The following KLHL4 variants were observed in gnomAD, a reference collection of about 807,000 sequenced individuals.
KLHL4 encodes the protein kelch like family member 4, also known as kelch-like protein 4.
In KLHL4, 17 loss-of-function variants were observed where a neutral mutation model predicts 45.8. The ratio of observed to expected loss-of-function variants is 0.37; its 90% CI spans 0.25 to 0.56. The LOEUF (loss-of-function observed/expected upper bound fraction) is 0.56, where lower values mean the gene tolerates loss of function less well. KLHL4 is among the 20% of genes least tolerant of loss of function. The pLI is 0.79. For synonymous variants in KLHL4, 224 were observed against 189.9 expected, an observed-to-expected ratio of 1.18 and a Z score of -1.47; for missense variants, 544 against 544.9, an observed-to-expected ratio of 1.00 and a Z score of 0.02.
At chrX:87,617,356 A>G (rs1038348970) in intron 3 of KLHL4, among the ~76,000 whole-genome samples, 6 of 106,939 alleles carry the variant, frequency 5.6e-5, no homozygotes, top group African/African-American at 2.1e-4. Context: ...TGTAGATACA[A>G]AAAAAAAAGG....
At chrX:87,621,030 A>C (rs1341676781) in intron 4 of KLHL4, among the ~76,000 whole-genome samples, 3 of 111,141 alleles carry the variant, frequency 2.7e-5, no homozygotes, top group Non-Finnish European at 5.6e-5. Flanking sequence ...TAAATAGGCC[A>C]GTTTGAAACT....
At chrX:87,663,935 C>A (rs1453667282) in intron 9 of KLHL4, among the ~76,000 whole-genome samples, 1 of 111,685 alleles carries the variant, frequency 9.0e-6, no homozygotes, top group East Asian at 2.8e-4. Context: ...TGAAAATCTT[C>A]TTTGTAAAAT....
intron 1 of KLHL4, among the ~76,000 whole-genome samples, chrX:87,540,877 A>G (rs1396205753): frequency 8.9e-6 from 1 of 111,921 alleles, no homozygotes; most frequent in African/African-American, 3.2e-5. Context: ...CTTTACACCA[A>G]CACCATCACA....
intron 4 of KLHL4, among the ~76,000 whole-genome samples, chrX:87,621,494 A>T (rs867671708): frequency 4.5e-5 from 4 of 88,178 alleles, no homozygotes; most frequent in East Asian, 6.3e-4. Context: ...ATTTATTATT[A>T]TTTTTTTTGA....
chrX:87,632,841 C>T (rs1923142016), intron 7 of KLHL4, among the ~76,000 whole-genome samples: 1 of 111,132 alleles, frequency 9.0e-6, no homozygotes, highest in Non-Finnish European at 1.9e-5. Flanking sequence ...TGTCAGGATA[C>T]CTCGTTCTTT....
At chrX:87,548,356 G>A (rs1284965853) in intron 1 of KLHL4, among the ~76,000 whole-genome samples, 1 of 111,730 alleles carries the variant, frequency 9.0e-6, no homozygotes, top group Non-Finnish European at 1.9e-5. Context: ...AAGAAATGCT[G>A]AAGGAAGTAC....
chrX:87,641,343 G>A (rs1386132741), intron 9 of KLHL4, among the ~76,000 whole-genome samples: 1 of 111,778 alleles, frequency 8.9e-6, no homozygotes, highest in Non-Finnish European at 1.9e-5. Flanking sequence ...CAATTTAGAG[G>A]GCCGAGTGAA....
At chrX:87,596,488 A>T (rs963029236) in intron 1 of KLHL4, among the ~76,000 whole-genome samples, 2 of 112,014 alleles carry the variant, frequency 1.8e-5, no homozygotes, top group Admixed American at 1.9e-4. Flanking sequence ...GTAAATATTT[A>T]TTATATGGAT....
rs1288601233 is a variant in KLHL4 at position 87,517,868 on chromosome X, A to G, written c.-26A>G. 8 of 1,169,562 alleles carry G rather than the reference A, an allele frequency of 6.8e-6. No homozygotes were observed. Among genetic ancestry groups the G allele is most frequent in the Non-Finnish European group, 8.0e-6 (7 of 875,402 alleles). On this transcript the variant is annotated 5_prime_UTR_variant, in exon 1 of 11. Coordinates refer to ENST00000373119, the MANE Select transcript of KLHL4 (RefSeq NM_019117.5). ...GGCTCCGTTTCCTTTCTGTGAGAGA[A>G]GGCTTTTGTCTTTCCTCCTGCTACG...
chrX:87,661,261 G>A (rs955035216), intron 9 of KLHL4, among the ~76,000 whole-genome samples: 12 of 111,462 alleles, frequency 1.1e-4, no homozygotes, highest in Non-Finnish European at 2.3e-4. Context: ...TAAAACTTAC[G>A]TTGCATTAGC....
intron 1 of KLHL4, among the ~76,000 whole-genome samples, chrX:87,589,627 C>A (rs1000637846): frequency 1.4e-4 from 16 of 110,585 alleles, no homozygotes; most frequent in African/African-American, 4.6e-4. Flanking sequence ...AACTCATGGA[C>A]ATAGAGAGTA....
At chrX:87,560,860 T>C (rs1231459270) in intron 1 of KLHL4, among the ~76,000 whole-genome samples, 3 of 111,894 alleles carry the variant, frequency 2.7e-5, no homozygotes, top group African/African-American at 9.7e-5. Flanking sequence ...GGTGATTATT[T>C]AGATTGTTTC....
At chrX:87,666,405 G>A in intron 10 of KLHL4, 70 bp from the exon 11 acceptor site, 1 of 1,011,013 alleles carries the variant, frequency 9.9e-7, no homozygotes, top group Non-Finnish European at 1.3e-6. Context: ...CAACTATATT[G>A]AATATAATAT....
chrX:87,522,152 T>TA (rs1931015507), intron 1 of KLHL4, among the ~76,000 whole-genome samples: 1 of 112,155 alleles, frequency 8.9e-6, no homozygotes, highest in Non-Finnish European at 1.9e-5. Flanking sequence ...CAGTGAAACT[T>TA]ATTGTAAAAT....
intron 1 of KLHL4, among the ~76,000 whole-genome samples, chrX:87,608,953 C>A (rs1041695819): frequency 6.3e-5 from 7 of 110,476 alleles, no homozygotes; most frequent in Non-Finnish European, 1.3e-4. Context: ...TGATGTTCCC[C>A]TTCCTGTGTC....
intron 1 of KLHL4, among the ~76,000 whole-genome samples, chrX:87,550,393 C>T (rs774678481): frequency 3.6e-5 from 4 of 110,907 alleles, no homozygotes; most frequent in African/African-American, 1.3e-4. Flanking sequence ...AAGTACAGGA[C>T]CAGATGGATT....
At chrX:87,658,853 G>GTCAT (rs1217715409) in intron 9 of KLHL4, among the ~76,000 whole-genome samples, 1 of 110,862 alleles carries the variant, frequency 9.0e-6, no homozygotes, top group Non-Finnish European at 1.9e-5. Flanking sequence ...AAATTTATTA[G>GTCAT]TCATCTCATT....
chrX:87,642,195 T>TA (rs1923484554), intron 9 of KLHL4, among the ~76,000 whole-genome samples: 1 of 110,827 alleles, frequency 9.0e-6, no homozygotes, highest in Admixed American at 9.6e-5. Flanking sequence ...GAGAGACGCA[T>TA]AGATGGTTCA....
chrX:87,653,025 A>T (rs769387413), intron 9 of KLHL4, among the ~76,000 whole-genome samples: 2 of 111,904 alleles, frequency 1.8e-5, no homozygotes, highest in Non-Finnish European at 3.8e-5. Flanking sequence ...TTCCCCTTAT[A>T]AAACCATCAG....
Sources: gnomAD v4.1 joint callset for allele counts (sites outside exome capture counted in the v4.1 genomes callset) on GRCh38, gnomAD v4.1.1 for gene constraint, MANE v1.5 for transcripts, NCBI Gene and HGNC (gene_info 2026-07-23, HGNC 2026-07-21) for gene names.